Variants in ZNF888 observed in about 807,000 individuals in gnomAD.
ZNF888 encodes the protein CTD-2331H12.6.
ZNF888 carries 5 observed loss-of-function variants against 7.2 expected under a neutral mutation model. The observed-to-expected ratio is 0.70, with a 90% CI of 0.36 to 1.46. The LOEUF (loss-of-function observed/expected upper bound fraction) is 1.46. Ranked by LOEUF, ZNF888 falls within the 40% of genes most tolerant of loss-of-function variation. The probability of loss-of-function intolerance (pLI) is 0.03; values close to 1 mark genes in which losing one functional copy is unlikely to be tolerated. For missense variants in ZNF888, 716 were observed against 858.0 expected (o/e 0.83, Z 2.07); for synonymous variants, 240 against 284.3 (o/e 0.84, Z 1.57).
chr19:52,923,410 T>C lies in ZNF888; in HGVS notation c.-219A>G, dbSNP rs904841417. 3 of 985,230 alleles carry C rather than the reference T, an allele frequency of 3.0e-6. No individual in the cohort carries two copies. The highest frequency in any genetic ancestry group is 1.1e-4 in the East Asian group (1 of 8,798). The allele number at this position is 985,230 out of a possible 1,614,324, so 61.0% of individuals were successfully genotyped here. On this transcript the variant is annotated 5_prime_UTR_variant, in exon 1 of 5. Coordinates refer to ENST00000638862, the MANE Select transcript of ZNF888 (RefSeq NM_001393938.1). ...CCAGTCCACGCGATCCGCTTCCTGG[T>C]CCGGGCGAATCTACAAGCACAGGAC... is the stretch of plus-strand genomic sequence containing the variant.
At chr19:52,919,514 C>G (rs1862907344) in intron 1 of ZNF888, among the ~76,000 whole-genome samples, 1 of 71,286 alleles carries the variant, frequency 1.4e-5, no homozygotes, top group African/African-American at 4.4e-5. Context: ...GCTACAACCT[C>G]CACCTCCCAG....
intron 3 of ZNF888, among the ~76,000 whole-genome samples, chr19:52,916,607 TAC>T (rs2064752169): frequency 1.7e-5 from 1 of 58,822 alleles, no homozygotes; most frequent in South Asian, 7.3e-4. Context: ...TACATACATA[TAC>T]ATATACATAT....
At chr19:52,915,585 C>T (rs1396976647) in intron 3 of ZNF888, among the ~76,000 whole-genome samples, 1 of 152,046 alleles carries the variant, frequency 6.6e-6, no homozygotes, top group Non-Finnish European at 1.5e-5. Flanking sequence ...TGCCATTCTC[C>T]TCCCTCAGCC....
intron 3 of ZNF888, 75 bp from the exon 4 acceptor site, chr19:52,915,397 G>C: frequency 6.2e-7 from 1 of 1,611,852 alleles, no homozygotes; most frequent in Non-Finnish European, 8.5e-7. Flanking sequence ...GAAGAAGAGA[G>C]GGGAAAGCAT....
chr19:52,906,586 T>C lies in ZNF888; in HGVS notation c.1736A>G (p.Lys579Arg). Residue 579 changes from lysine to arginine, a missense_variant, in exon 5 of 5, where the codon AAG (lysine) becomes AGG (arginine). This residue lies in a region of ZNF888 where 697 missense variants were observed against 803.4 expected (regional missense o/e 0.87). Coordinates refer to ENST00000638862, the MANE Select transcript of ZNF888 (RefSeq NM_001393938.1). ...AAAAACCTTGCCACATTCATTACACTTGTAAGGTTTCTCTCCAGTATGAAG... is the reference window on the plus strand; with the variant it reads ...AAAAACCTTGCCACATTCATTACACCTGTAAGGTTTCTCTCCAGTATGAAG... The part of the protein sequence containing the change: ...HRLHTGEKPY[K>R]CNECGKVFRT... 3 of 1,613,982 alleles carry C rather than the reference T, an allele frequency of 1.9e-6. No homozygotes were observed. In the South Asian group the frequency reaches 3.3e-5, roughly 18 times the overall value.
rs556707662 is a variant in ZNF888, at chr19:52,913,207, T to A, written c.142+1989A>T. Among the ~76,000 whole-genome samples the A allele has an allele frequency of 3.5e-3, 530 of 151,800 alleles. 4 individuals are homozygous for A. Among genetic ancestry groups the A allele is most frequent in the African/African-American group, 0.012 (506 of 41,380 alleles). On this transcript the variant is annotated intron_variant, in intron 4 of 4. Transcript: ENST00000638862. ...CTTTTTTCATATTATTTAAAAGTCATGAAAAAACACTGTAAATATATGTTA... is the reference window on the plus strand; with the variant it reads ...CTTTTTTCATATTATTTAAAAGTCAAGAAAAAACACTGTAAATATATGTTA...
chr19:52,918,054 T>C, intron 2 of ZNF888, 123 bp from the exon 3 acceptor site: 1 of 1,456,362 alleles, frequency 6.9e-7, no homozygotes. Flanking sequence ...TGGTCCACTC[T>C]GCTGCCCACC....
intron 2 of ZNF888, 113 bp from the exon 3 acceptor site, chr19:52,918,044 T>C: frequency 2.0e-6 from 3 of 1,467,036 alleles, no homozygotes; most frequent in Non-Finnish European, 2.7e-6. Flanking sequence ...CTGGGAAATA[T>C]GGTCCACTCT....
intron 4 of ZNF888, among the ~76,000 whole-genome samples, chr19:52,908,627 C>T (rs1210718478): frequency 3.3e-5 from 5 of 152,044 alleles, no homozygotes. Flanking sequence ...GTAAGGATAA[C>T]CAAAATCAAT....
intron 1 of ZNF888, among the ~76,000 whole-genome samples, chr19:52,922,211 T>C (rs11668568): frequency 0.23 from 35,434 of 151,794 alleles, 4,292 homozygotes; most frequent in South Asian, 0.34. Context: ...TGTTGCTCCT[T>C]TTCCCCAATC....
intron 4 of ZNF888, chr19:52,913,751 A>G (rs2064712866): frequency 1.0e-6 from 1 of 984,520 alleles, no homozygotes. Flanking sequence ...AGGAATGGAC[A>G]CTAACGTGGT....
chr19:52,917,986 C>T, intron 2 of ZNF888, 55 bp from the exon 3 acceptor site: 10 of 1,579,454 alleles, frequency 6.3e-6, no homozygotes, highest in Non-Finnish European at 8.6e-6. Context: ...TCAGAGTCAA[C>T]ATACCCCCTC....
intron 3 of ZNF888, among the ~76,000 whole-genome samples, chr19:52,916,615 C>CATATACATATACATATACATATAT (rs374760326): frequency 8.7e-4 from 114 of 131,412 alleles, no homozygotes; most frequent in African/African-American, 3.4e-3. Flanking sequence ...TATACATATA[C>CATATACATATACATATACATATAT]ATATATATAT....
intron 4 of ZNF888, among the ~76,000 whole-genome samples, chr19:52,910,149 C>CAAAAAAAAAAA (rs71335690): frequency 1.2e-5 from 1 of 83,942 alleles, no homozygotes; most frequent in Non-Finnish European, 2.9e-5. Context: ...GACTTCGTCT[C>CAAAAAAAAAAA]AAAAAAAAAA....
intron 4 of ZNF888, among the ~76,000 whole-genome samples, chr19:52,912,280 AT>A (rs937331192): frequency 3.4e-5 from 5 of 147,572 alleles, no homozygotes; most frequent in Admixed American, 1.3e-4. Flanking sequence ...CGCCCGGCTA[AT>A]TTTTTGTATT....
chr19:52,912,448 G>A (rs115381792), intron 4 of ZNF888, among the ~76,000 whole-genome samples: 2,124 of 150,466 alleles, frequency 0.014, 41 homozygotes, highest in African/African-American at 0.049. Context: ...GAGACAGGCC[G>A]GGCACGGTGT....
In ZNF888 at chr19:52,904,838, C is replaced by T. The variant is rs1410653994; in HGVS notation, c.*1327G>A. On this transcript the variant is annotated 3_prime_UTR_variant, in exon 5 of 5. Transcript: ENST00000638862. Reference sequence around the variant, plus strand: ...ACAATATAAAACAATATGAGAGGGTCTCTCTCTTCCCTCAAAACTACTAAA... The same window carrying T: ...ACAATATAAAACAATATGAGAGGGTTTCTCTCTTCCCTCAAAACTACTAAA... The T allele has an allele frequency of 2.0e-5, 3 of 152,274 alleles. No homozygotes were observed. Among genetic ancestry groups the T allele is most frequent in the African/African-American group, 7.2e-5 (3 of 41,560 alleles). 9.4% of individuals were successfully genotyped at this position (152,274 alleles called of 1,614,324 possible). A position where few individuals can be genotyped will look rare whatever the true frequency, so the allele number is the denominator to read the frequency against.
intron 2 of ZNF888, chr19:52,918,248 C>T (rs7245999): frequency 1.0e-6 from 1 of 983,258 alleles, no homozygotes; most frequent in African/African-American, 1.7e-5. Context: ...CCAGCACTCT[C>T]GGAGACCAAG....
Position 52,907,716 on chromosome 19 carries a change from T to C in ZNF888, c.606A>G (p.Thr202=), listed in dbSNP as rs1194302981. The C allele has an allele frequency of 8.1e-6, 13 of 1,612,858 alleles. No individual in the cohort carries two copies. The highest frequency in any genetic ancestry group is 8.5e-6 in the Non-Finnish European group (10 of 1,179,456). The stretch of plus-strand genomic sequence containing the variant: ...CTTTCCTGTGTACATCCTGTTTCTG[T>C]GTGAGTAATGAAGAATGGAAGAAAT... The part of the protein sequence containing the change: ...GNNFFHSSLL[T]QKQDVHRKEK... Residue 202 remains threonine, a synonymous_variant, in exon 5 of 5, where the codon ACA becomes ACG. Coordinates refer to ENST00000638862, the MANE Select transcript of ZNF888 (RefSeq NM_001393938.1).
Sources: gnomAD v4.1 joint callset for allele counts (sites outside exome capture counted in the v4.1 genomes callset) on GRCh38, gnomAD v4.1.1 for gene constraint, gnomAD v4.1.1 regional missense constraint, MANE v1.5 for transcripts, NCBI Gene and HGNC (gene_info 2026-07-23, HGNC 2026-07-21) for gene names.